The following COBLL1 variants were observed in gnomAD, a reference collection of about 807,000 sequenced individuals.
COBLL1 encodes the protein cordon-bleu WH2 repeat protein like 1.
In COBLL1, 50 loss-of-function variants were observed where a neutral mutation model predicts 94.8. That is an observed-to-expected ratio of 0.53 (90% CI 0.42 to 0.67). The LOEUF (loss-of-function observed/expected upper bound fraction) is 0.67, where lower values mean the gene tolerates loss of function less well. Among genes scored for constraint, COBLL1 ranks in the 30% least tolerant of loss-of-function variants. The pLI is 0.00. For synonymous variants in COBLL1, 448 were observed against 473.8 expected (o/e 0.95, Z 0.71); for missense variants, 1,362 against 1,348.7 (o/e 1.01, Z -0.15).
At chr2:164,833,722 T>G (rs548604767) in intron 2 of COBLL1, among the ~76,000 whole-genome samples, 1 of 152,314 alleles carries the variant, frequency 6.6e-6, no homozygotes, top group South Asian at 2.1e-4. Context: ...AGTGCTGGGA[T>G]TACAGGCGTA....
At chr2:164,803,367 C>G (rs1393065772) in intron 2 of COBLL1, among the ~76,000 whole-genome samples, 1 of 151,690 alleles carries the variant, frequency 6.6e-6, no homozygotes, top group Non-Finnish European at 1.5e-5. Context: ...AGATCGAGAC[C>G]ATCCCGGCTA....
chr2:164,714,648 C>T (rs758095006), intron 7 of COBLL1, among the ~76,000 whole-genome samples: 16 of 152,112 alleles, frequency 1.1e-4, no homozygotes, highest in Admixed American at 7.9e-4. Context: ...CCCAGGGACA[C>T]CTTAAGGTTA....
In COBLL1 at chr2:164,789,361, G is replaced by T. The variant is rs530331009; in HGVS notation, c.42-45486C>A. ...GAGAGTGGTCATGTGTGTTTAGCCA[G>T]ATGGTACCCAAAGTAGTCAGAATTT... On this transcript the variant is annotated intron_variant, in intron 2 of 13. Transcript: ENST00000652658. Among the ~76,000 whole-genome samples the T allele has an allele frequency of 1.2e-4, 18 of 152,258 alleles. No homozygotes were observed. The South Asian group carries it at 3.7e-3, about 32-fold the overall frequency.
chr2:164,667,902 A>T (rs1217814005), intron 1 of COBLL1, among the ~76,000 whole-genome samples: 1 of 148,286 alleles, frequency 6.7e-6, no homozygotes, highest in Non-Finnish European at 1.5e-5. Context: ...TTTCATTTGC[A>T]TTCACAACTT....
rs1683063384 is a variant in COBLL1 at position 164,681,985 on chromosome 2, G to A, written c.*3961C>T. 1 of 152,146 alleles carries A rather than the reference G, an allele frequency of 6.6e-6. No homozygotes were observed. The highest frequency in any genetic ancestry group is 6.6e-5 in the Admixed American group (1 of 15,262). 9.4% of individuals were successfully genotyped at this position (152,146 alleles called of 1,614,324 possible). ...GAAAGTGGTAACATTTAAGAGAAAA[G>A]GAAAACCAACTGAAGATTCAGAACA... On this transcript the variant is annotated 3_prime_UTR_variant, in exon 14 of 14. Coordinates refer to ENST00000652658, the MANE Select transcript of COBLL1 (RefSeq NM_001365672.2).
chr2:164,730,513 A>G (rs1236333021), intron 3 of COBLL1, among the ~76,000 whole-genome samples: 2 of 152,008 alleles, frequency 1.3e-5, no homozygotes, highest in Non-Finnish European at 2.9e-5. Flanking sequence ...TAATAACAAT[A>G]AAAACAACAA....
At chr2:164,769,938 C>T (rs978440400) in intron 2 of COBLL1, among the ~76,000 whole-genome samples, 5 of 152,086 alleles carry the variant, frequency 3.3e-5, no homozygotes, top group African/African-American at 1.2e-4. Flanking sequence ...CCTTGTTCTC[C>T]CTTTCTCTTT....
chr2:164,732,903 A>C (rs1686092590), intron 3 of COBLL1, among the ~76,000 whole-genome samples: 1 of 152,178 alleles, frequency 6.6e-6, no homozygotes, highest in South Asian at 2.1e-4. Context: ...AAAATACAAA[A>C]AATTAGCCAG....
intron 13 of COBLL1, among the ~76,000 whole-genome samples, chr2:164,689,080 C>A (rs2105414638): frequency 6.6e-6 from 1 of 152,052 alleles, no homozygotes; most frequent in South Asian, 2.1e-4. Context: ...TTTATTAATG[C>A]TTTACTTGAA....
downstream of COBLL1, among the ~76,000 whole-genome samples, chr2:164,680,018 A>G (rs1359697444): frequency 1.3e-5 from 2 of 152,014 alleles, no homozygotes; most frequent in Admixed American, 6.6e-5. Flanking sequence ...AAACTGAACC[A>G]TAACACCCTT....
At chr2:164,701,489 A>G (rs918253929) in intron 9 of COBLL1, among the ~76,000 whole-genome samples, 14 of 152,204 alleles carry the variant, frequency 9.2e-5, no homozygotes, top group Non-Finnish European at 1.5e-4. Context: ...AGAAAGTGTA[A>G]TATACATACA....
chr2:164,672,705 CAAAAAAAAAAAA>C (rs1187183800), intron 1 of COBLL1, among the ~76,000 whole-genome samples: 2 of 64,968 alleles, frequency 3.1e-5, no homozygotes, highest in African/African-American at 5.1e-5. Flanking sequence ...GACTCCGTCT[CAAAAAAAAAAAA>C]AAAAAAAAAA....
At chr2:164,788,402 C>T (rs1366810888) in intron 2 of COBLL1, among the ~76,000 whole-genome samples, 1 of 152,042 alleles carries the variant, frequency 6.6e-6, no homozygotes, top group African/African-American at 2.4e-5. Flanking sequence ...AAAAAATCTA[C>T]AAGTTGCTGA....
At chr2:164,702,575 A>AAAAAAAAAAAAT (rs1553469790) in intron 9 of COBLL1, among the ~76,000 whole-genome samples, 4 of 135,076 alleles carry the variant, frequency 3.0e-5, no homozygotes, top group African/African-American at 1.2e-4. Context: ...AAAAAAAAAA[A>AAAAAAAAAAAAT]AATAATAATA....
Position 164,794,125 on chromosome 2 carries a change from A to C in COBLL1, c.41+47031T>G, listed in dbSNP as rs566441534. Among the ~76,000 whole-genome samples, 17 of 152,286 alleles carry C rather than the reference A, an allele frequency of 1.1e-4. No homozygotes were observed. The East Asian group carries it at 3.3e-3, about 29-fold the overall frequency. Reference sequence around the variant, plus strand: ...CAGCAGAGCTCTCTTTGTTAAGAAAAAGAATTGTCTACCCATTTAAGGTGC... The same window carrying C: ...CAGCAGAGCTCTCTTTGTTAAGAAACAGAATTGTCTACCCATTTAAGGTGC... On this transcript the variant is annotated intron_variant, in intron 2 of 13. Coordinates refer to ENST00000652658, the MANE Select transcript of COBLL1 (RefSeq NM_001365672.2).
chr2:164,761,737 C>G (rs1687695160), intron 2 of COBLL1, among the ~76,000 whole-genome samples: 1 of 152,140 alleles, frequency 6.6e-6, no homozygotes, highest in Admixed American at 6.5e-5. Flanking sequence ...ATGAAAAGAT[C>G]AACCTAAATA....
rs1683080933 is a variant in COBLL1, at chr2:164,682,407, A to G, written c.*3539T>C. 1 of 152,224 alleles carries G rather than the reference A, an allele frequency of 6.6e-6. No individual in the cohort carries two copies. The highest frequency in any genetic ancestry group is 2.1e-4 in the South Asian group (1 of 4,838). The allele number at this position is 152,224 out of a possible 1,614,324, so 9.4% of individuals were successfully genotyped here. On this transcript the variant is annotated 3_prime_UTR_variant, in exon 14 of 14. Coordinates refer to ENST00000652658, the MANE Select transcript of COBLL1 (RefSeq NM_001365672.2). ...TCTCTACTGGTAGTGGGTACAAAGTAAACTGGAATTAGACACATACATAAT... is the reference window on the plus strand; with the variant it reads ...TCTCTACTGGTAGTGGGTACAAAGTGAACTGGAATTAGACACATACATAAT...
At chr2:164,736,806 ATTG>A (rs1311530238) in intron 3 of COBLL1, among the ~76,000 whole-genome samples, 2 of 152,186 alleles carry the variant, frequency 1.3e-5, no homozygotes, top group East Asian at 3.8e-4. Flanking sequence ...ATAATACCAT[ATTG>A]TTGTAAAAAA....
At chr2:164,794,977 C>T (rs184996625) in intron 2 of COBLL1, among the ~76,000 whole-genome samples, 2 of 152,250 alleles carry the variant, frequency 1.3e-5, no homozygotes, top group African/African-American at 4.8e-5. Flanking sequence ...AGAGCAAGAG[C>T]CAATAAAAAC....
Sources: gnomAD v4.1 joint callset for allele counts (sites outside exome capture counted in the v4.1 genomes callset) on GRCh38, gnomAD v4.1.1 for gene constraint, MANE v1.5 for transcripts, NCBI Gene and HGNC (gene_info 2026-07-23, HGNC 2026-07-21) for gene names.